ANKRD33B: variants seen among roughly 807,000 people sequenced by gnomAD.
ANKRD33B encodes ankyrin repeat domain-containing protein 33B.
A neutral mutation model predicts 21.5 loss-of-function variants in ANKRD33B; 6 were observed. The ratio of observed to expected loss-of-function variants is 0.28; its 90% CI spans 0.15 to 0.55. The LOEUF (loss-of-function observed/expected upper bound fraction) is 0.55. Ranked by LOEUF, ANKRD33B falls within the 20% of genes least tolerant of loss-of-function variation. The probability of loss-of-function intolerance (pLI) is 0.94; values close to 1 mark genes in which losing one functional copy is unlikely to be tolerated. For synonymous variants in ANKRD33B, 347 were observed against 342.4 expected, an observed-to-expected ratio of 1.01 and a Z score of -0.15; for missense variants, 698 against 747.2, an observed-to-expected ratio of 0.93 and a Z score of 0.77.
Position 10,644,435 on chromosome 5 carries a change from G to T in ANKRD33B, c.638-4831G>T, listed in dbSNP as rs187379165. 2.2e-3 allele frequency among the ~76,000 whole-genome samples: 337 copies of T among 152,336 alleles called. 4 individuals are homozygous for T. Among genetic ancestry groups the T allele is most frequent in the Non-Finnish European group, 2.4e-3 (161 of 68,030 alleles). On this transcript the variant is annotated intron_variant, in intron 3 of 3. Transcript: ENST00000296657. The stretch of plus-strand genomic sequence containing the variant: ...AAGAGAGGCAGAATCTGTGGAGGTT[G>T]CCAGGTTCCAGGCTTGCTTAAGGGA...
At chr5:10,634,700 C>T (rs184713298) in intron 2 of ANKRD33B, among the ~76,000 whole-genome samples, 51 of 151,458 alleles carry the variant, frequency 3.4e-4, no homozygotes, top group Middle Eastern at 6.8e-3. Context: ...AAGTGATCTG[C>T]CTGCCTTGGC....
chr5:10,636,220 G>A (rs1036480315), intron 2 of ANKRD33B, among the ~76,000 whole-genome samples: 16 of 152,196 alleles, frequency 1.1e-4, no homozygotes, highest in African/African-American at 3.9e-4. Context: ...AAATGTCCAC[G>A]AGGCCCCTGC....
At chr5:10,616,289 G>A (rs1027024221) in intron 1 of ANKRD33B, among the ~76,000 whole-genome samples, 5 of 152,082 alleles carry the variant, frequency 3.3e-5, no homozygotes, top group Non-Finnish European at 7.4e-5. Context: ...AAAATTGGCC[G>A]GGTGTGTTGG....
rs1192083107 is a variant in ANKRD33B at position 10,650,910 on chromosome 5, T to TTTAAAA, written c.*801_*802insAATTAA. On this transcript the variant is annotated 3_prime_UTR_variant, in exon 4 of 4. Transcript: ENST00000296657. ...TTTTAGGTAAACTGGATACGAAATC[T>TTTAAAA]TTAACATTAAAAATAGATATGAGAA... 2 of 152,392 alleles carry TTTAAAA rather than the reference T, an allele frequency of 1.3e-5. No individual in the cohort carries two copies. The highest frequency in any genetic ancestry group is 2.9e-5 in the Non-Finnish European group (2 of 68,048). The allele number at this position is 152,392 out of a possible 1,614,324, so 9.4% of individuals were successfully genotyped here. A position where few individuals can be genotyped will look rare whatever the true frequency, so the allele number is the denominator to read the frequency against.
chr5:10,633,695 C>CT (rs1736788453), intron 2 of ANKRD33B, among the ~76,000 whole-genome samples: 1 of 152,216 alleles, frequency 6.6e-6, no homozygotes, highest in Non-Finnish European at 1.5e-5. Context: ...TGGCTGTGAG[C>CT]TTCTCAGACT....
chr5:10,606,923 A>G (rs968535653), intron 1 of ANKRD33B, among the ~76,000 whole-genome samples: 1 of 151,594 alleles, frequency 6.6e-6, no homozygotes, highest in Admixed American at 6.6e-5. Flanking sequence ...TAGAGACAGG[A>G]TTTCACCATG....
intron 1 of ANKRD33B, among the ~76,000 whole-genome samples, chr5:10,604,862 TA>T (rs1168079830): frequency 2.0e-5 from 3 of 152,230 alleles, no homozygotes; most frequent in Non-Finnish European, 4.4e-5. Flanking sequence ...TATCTAATGC[TA>T]CATGCATCAC....
chr5:10,578,086 A>G (rs1334834588), intron 1 of ANKRD33B, among the ~76,000 whole-genome samples: 2 of 152,244 alleles, frequency 1.3e-5, no homozygotes, highest in Non-Finnish European at 2.9e-5. Flanking sequence ...GCACCAGGCC[A>G]TCTCTGAGGC....
chr5:10,586,947 TG>T (rs899363616), intron 1 of ANKRD33B, among the ~76,000 whole-genome samples: 3 of 152,150 alleles, frequency 2.0e-5, no homozygotes, highest in Admixed American at 6.5e-5. Context: ...AGTGAAGTGT[TG>T]GGGGTATGTG....
In ANKRD33B at chr5:10,564,608, A is replaced by G. The variant is rs1378436078; in HGVS notation, c.141A>G (p.Pro47=). ...YEEFEDFSSL[P]DTRSIASDDS... is the part of the protein sequence containing the mutation. ...AGTTTGAGGACTTCTCGAGTCTGCC[A>G]GACACCCGCAGCATCGCCTCGGACG... is the stretch of plus-strand genomic sequence containing the variant. The change falls in exon 1 of 4, where the codon CCA becomes CCG. Residue 47 remains proline (P), a synonymous_variant. Coordinates refer to ENST00000296657, the MANE Select transcript of ANKRD33B (RefSeq NM_001164440.2). The G allele has an allele frequency of 2.6e-6, 4 of 1,534,806 alleles. No homozygotes were observed. In the East Asian group the frequency reaches 9.8e-5, roughly 38 times the overall value.
At chr5:10,596,450 A>T (rs78771130) in intron 1 of ANKRD33B, among the ~76,000 whole-genome samples, 1 of 152,204 alleles carries the variant, frequency 6.6e-6, no homozygotes, top group African/African-American at 2.4e-5. Context: ...TTAGTTTGCC[A>T]AGGATAATGC....
chr5:10,647,362 G>A (rs147400594), intron 3 of ANKRD33B, among the ~76,000 whole-genome samples: 4 of 152,036 alleles, frequency 2.6e-5, no homozygotes, highest in South Asian at 2.1e-4. Context: ...TGCCCTCCTC[G>A]GCCTCCAAAG....
intron 1 of ANKRD33B, among the ~76,000 whole-genome samples, chr5:10,604,511 A>G (rs973473129): frequency 4.4e-4 from 61 of 138,834 alleles, no homozygotes; most frequent in Non-Finnish European, 8.0e-4. Flanking sequence ...AACCTTTTTG[A>G]AAAAAAAAAA....
At chr5:10,570,542 C>T (rs187631066) in intron 1 of ANKRD33B, among the ~76,000 whole-genome samples, 2 of 152,106 alleles carry the variant, frequency 1.3e-5, no homozygotes, top group East Asian at 1.9e-4. Context: ...TGCTTTGTCA[C>T]GTATTGCTTC....
At chr5:10,584,033 G>A (rs1393118960) in intron 1 of ANKRD33B, among the ~76,000 whole-genome samples, 1 of 152,190 alleles carries the variant, frequency 6.6e-6, no homozygotes, top group East Asian at 1.9e-4. Flanking sequence ...CCCGGCGTGA[G>A]CAGCCTAGAA....
chr5:10,607,133 A>G (rs1282201536), intron 1 of ANKRD33B, among the ~76,000 whole-genome samples: 7 of 152,332 alleles, frequency 4.6e-5, no homozygotes, highest in African/African-American at 9.6e-5. Flanking sequence ...AACCTGACAC[A>G]TGAATAGATG....
intron 1 of ANKRD33B, among the ~76,000 whole-genome samples, chr5:10,617,241 T>G (rs13183426): frequency 0.071 from 10,871 of 152,208 alleles, 492 homozygotes; most frequent in Middle Eastern, 0.1. Flanking sequence ...TGGTTCTCTC[T>G]CCATGACTCC....
Position 10,638,056 on chromosome 5 carries a change from G to T in ANKRD33B, c.525G>T (p.Leu175Phe). 5 of 1,537,620 alleles carry T rather than the reference G, an allele frequency of 3.3e-6. No individual in the cohort carries two copies. The highest frequency in any genetic ancestry group is 3.5e-6 in the Non-Finnish European group (4 of 1,146,978). The change falls in exon 3 of 4, where the codon TTG (leucine) becomes TTT (phenylalanine). Residue 175 changes from leucine to phenylalanine, a missense_variant. Physicochemically the swap from Leu to Phe is conservative, Grantham distance 22. This residue lies in a region of ANKRD33B where 543 missense variants were observed against 566.5 expected (regional missense o/e 0.96). Coordinates refer to ENST00000296657, the MANE Select transcript of ANKRD33B (RefSeq NM_001164440.2). ...AGHAIITNYLLNYFPGLDLER... is the reference protein window; with the variant it reads ...AGHAIITNYLFNYFPGLDLER... ...ACGCTATCATCACTAACTACTTGTT[G>T]AACTATTTCCCTGGTCTTGACCTTG...
chr5:10,592,073 GGTGTGTGTGTGT>G (rs55668434), intron 1 of ANKRD33B, among the ~76,000 whole-genome samples: 1 of 150,000 alleles, frequency 6.7e-6, no homozygotes, highest in African/African-American at 2.5e-5. Flanking sequence ...TTGATTTTAT[GGTGTGTGTGTGT>G]GTGTGTGTGT....
Sources: gnomAD v4.1 joint callset for allele counts (sites outside exome capture counted in the v4.1 genomes callset) on GRCh38, gnomAD v4.1.1 for gene constraint, gnomAD v4.1.1 regional missense constraint, MANE v1.5 for transcripts, NCBI Gene and HGNC (gene_info 2026-07-23, HGNC 2026-07-21) for gene names.